The following RYR2 variants were observed in gnomAD, a reference collection of about 807,000 sequenced individuals.
The protein encoded by RYR2 is ryanodine receptor 2, also known as cardiac muscle ryanodine receptor-calcium release channel.
RYR2 carries 227 observed loss-of-function variants against 601.1 expected under a neutral mutation model. The ratio of observed to expected loss-of-function variants is 0.38; its 90% CI spans 0.34 to 0.42. The LOEUF (loss-of-function observed/expected upper bound fraction) is 0.42, where lower values mean the gene tolerates loss of function less well. Ranked by LOEUF, RYR2 falls within the 10% of genes least tolerant of loss-of-function variation. RYR2 has a pLI of 1.00. For synonymous variants in RYR2, 2,223 were observed against 2,175.1 expected (o/e 1.02, Z -0.61); for missense variants, 4,646 against 6,156.5 (o/e 0.75, Z 8.21).
intron 1 of RYR2, among the ~76,000 whole-genome samples, chr1:237,123,742 A>C (rs890346898): frequency 5.3e-5 from 7 of 131,502 alleles, no homozygotes; most frequent in Non-Finnish European, 9.1e-5. Flanking sequence ...ATCTCGGCTC[A>C]CTGCAAGCTC....
intron 1 of RYR2, among the ~76,000 whole-genome samples, chr1:237,183,253 T>A (rs2148962553): frequency 6.6e-6 from 1 of 152,322 alleles, no homozygotes; most frequent in Non-Finnish European, 1.5e-5. Flanking sequence ...ATTAGTAGAA[T>A]CCTAGGGCAA....
intron 10 of RYR2, among the ~76,000 whole-genome samples, chr1:237,389,097 A>T (rs183675505): frequency 6.6e-6 from 1 of 152,188 alleles, no homozygotes; most frequent in Non-Finnish European, 1.5e-5. Context: ...CAAGAGTGAC[A>T]TAAGTCCCCT....
chr1:237,512,797 G>T (rs1322524454), intron 24 of RYR2, among the ~76,000 whole-genome samples: 1 of 152,152 alleles, frequency 6.6e-6, no homozygotes, highest in Non-Finnish European at 1.5e-5. Flanking sequence ...ATTGAGCCTG[G>T]GAGATTGAGG....
intron 12 of RYR2, among the ~76,000 whole-genome samples, chr1:237,437,876 C>T (rs932163288): frequency 6.6e-6 from 1 of 152,042 alleles, no homozygotes; most frequent in Non-Finnish European, 1.5e-5. Flanking sequence ...TAAGATAATG[C>T]TTATAAGATA....
At chr1:237,559,785 G>A (rs946691593) in intron 27 of RYR2, among the ~76,000 whole-genome samples, 9 of 151,978 alleles carry the variant, frequency 5.9e-5, no homozygotes, top group Non-Finnish European at 1.0e-4. Context: ...CTCTGTATTC[G>A]CCCCTATTTC....
chr1:237,788,886 T>C (rs1458038645), intron 92 of RYR2, among the ~76,000 whole-genome samples: 1 of 152,084 alleles, frequency 6.6e-6, no homozygotes, highest in Non-Finnish European at 1.5e-5. Context: ...AACATGCATG[T>C]GTAATGTCAC....
intron 1 of RYR2, among the ~76,000 whole-genome samples, chr1:237,268,933 C>A (rs1317169589): frequency 1.2e-4 from 1 of 8,554 alleles, no homozygotes; most frequent in Admixed American, 2.4e-3. Context: ...AGACTCTTGT[C>A]TCAAAAAAAA....
At chr1:237,415,416 A>G (rs1278039947) in intron 10 of RYR2, among the ~76,000 whole-genome samples, 3 of 152,196 alleles carry the variant, frequency 2.0e-5, no homozygotes, top group African/African-American at 7.2e-5. Flanking sequence ...GGTGATCCCA[A>G]ACTAACTGAT....
rs994824983 is a variant in RYR2 at position 237,088,105 on chromosome 1, G to A, written c.48+45536G>A. 2.0e-5 allele frequency among the ~76,000 whole-genome samples: 3 copies of A among 152,042 alleles called. No individual in the cohort carries two copies. The East Asian group carries it at 5.8e-4, about 29-fold the overall frequency. ...GATATATGTAATATTGGATACTATT[G>A]GAAATTAATGTACATGGAAGACATG... On this transcript the variant is annotated intron_variant, in intron 1 of 104. Coordinates refer to ENST00000366574, the MANE Select transcript of RYR2 (RefSeq NM_001035.3).
At chr1:237,516,025 T>G (rs1338019492) in intron 24 of RYR2, among the ~76,000 whole-genome samples, 2 of 150,702 alleles carry the variant, frequency 1.3e-5, no homozygotes, top group East Asian at 2.0e-4. Flanking sequence ...TTTATCTTTC[T>G]CCTCCTTTTT....
At chr1:237,687,941 C>G (rs12074235) in intron 63 of RYR2, among the ~76,000 whole-genome samples, 11,996 of 152,078 alleles carry the variant, frequency 0.079, 643 homozygotes, top group African/African-American at 0.15. Context: ...CTTCTGCATT[C>G]CAAACATTGG....
chr1:237,730,242 A>G lies in RYR2; in HGVS notation c.10839-18A>G. 1 of 1,475,288 alleles carries G rather than the reference A, an allele frequency of 6.8e-7. No individual in the cohort carries two copies. Among genetic ancestry groups the G allele is most frequent in the Non-Finnish European group, 9.5e-7 (1 of 1,053,940 alleles). 91.4% of individuals were successfully genotyped at this position (1,475,288 alleles called of 1,614,324 possible). ...ATTTTCTAAACACCCTTTTTCTGAA[A>G]TTGTGCTTACCTTTCAGGCATCGGG... On this transcript the variant is annotated intron_variant, in intron 76 of 104. Coordinates refer to ENST00000366574, the MANE Select transcript of RYR2 (RefSeq NM_001035.3).
intron 42 of RYR2, among the ~76,000 whole-genome samples, chr1:237,633,140 C>G (rs1680522610): frequency 6.6e-6 from 1 of 152,106 alleles, no homozygotes; most frequent in Non-Finnish European, 1.5e-5. Flanking sequence ...TTATATGTGC[C>G]ACGTACTGAA....
intron 79 of RYR2, among the ~76,000 whole-genome samples, chr1:237,741,264 C>T (rs1012239227): frequency 6.6e-6 from 1 of 152,148 alleles, no homozygotes; most frequent in African/African-American, 2.4e-5. Context: ...GAATTTATCA[C>T]GGAGTGAGTG....
At chr1:237,140,904 T>C (rs1673318384) in intron 1 of RYR2, among the ~76,000 whole-genome samples, 1 of 152,216 alleles carries the variant, frequency 6.6e-6, no homozygotes, top group East Asian at 1.9e-4. Flanking sequence ...TCTTCTTTAT[T>C]AGCAGCTGCA....
chr1:237,154,334 G>A (rs1675070956), intron 1 of RYR2, among the ~76,000 whole-genome samples: 1 of 152,330 alleles, frequency 6.6e-6, no homozygotes. Context: ...GTTCTGAAGA[G>A]CTGTGAGCCG....
intron 92 of RYR2, among the ~76,000 whole-genome samples, chr1:237,789,543 G>C (rs1486205956): frequency 6.6e-6 from 1 of 151,954 alleles, no homozygotes; most frequent in African/African-American, 2.4e-5. Flanking sequence ...GGTCATGGCT[G>C]CAGGTATAGT....
chr1:237,464,987 C>T (rs555548012), intron 16 of RYR2, among the ~76,000 whole-genome samples: 2 of 152,140 alleles, frequency 1.3e-5, no homozygotes, highest in African/African-American at 4.8e-5. Context: ...ACTCACATAA[C>T]TGATATCTTC....
chr1:237,524,828 T>C (rs1667414942), intron 24 of RYR2, among the ~76,000 whole-genome samples: 1 of 152,178 alleles, frequency 6.6e-6, no homozygotes, highest in African/African-American at 2.4e-5. Flanking sequence ...AGTCTCTTTT[T>C]TCTGTTGAGA....
Sources: allele counts gnomAD v4.1 joint callset (sites outside exome capture counted in the v4.1 genomes callset), GRCh38; gene constraint gnomAD v4.1.1; transcripts MANE v1.5; gene names NCBI Gene and HGNC (gene_info 2026-07-23, HGNC 2026-07-21).